Variants in ERC1 observed in about 807,000 individuals in gnomAD.
The protein encoded by ERC1 is RAB6 interacting protein 2.
ERC1 carries 56 observed loss-of-function variants against 132.0 expected under a neutral mutation model. The ratio of observed to expected loss-of-function variants is 0.42; its 90% CI spans 0.34 to 0.53. The LOEUF (loss-of-function observed/expected upper bound fraction) is 0.53. Ranked by LOEUF, ERC1 falls within the 20% of genes least tolerant of loss-of-function variation. The pLI, the probability that ERC1 is intolerant of heterozygous loss-of-function variation, is 0.03. For synonymous variants in ERC1, 478 were observed against 476.1 expected, an observed-to-expected ratio of 1.00 and a Z score of -0.05; for missense variants, 1,202 against 1,349.9, an observed-to-expected ratio of 0.89 and a Z score of 1.72.
At chr12:1,060,649 T>C (rs1163092438) in intron 2 of ERC1, among the ~76,000 whole-genome samples, 1 of 151,980 alleles carries the variant, frequency 6.6e-6, no homozygotes, top group African/African-American at 2.4e-5. Context: ...TTATTCACTA[T>C]CACAAGAATA....
chr12:999,679 T>C (rs968591148), intron 1 of ERC1, among the ~76,000 whole-genome samples: 1 of 132,388 alleles, frequency 7.6e-6, no homozygotes, highest in Non-Finnish European at 1.5e-5. Flanking sequence ...TGGTGCAACC[T>C]CCGCCTCCCG....
chr12:1,394,015 CAAAAAAAAAA>C (rs1216337061), intron 16 of ERC1, among the ~76,000 whole-genome samples: 1 of 26,932 alleles, frequency 3.7e-5, no homozygotes, highest in Non-Finnish European at 7.1e-5. Context: ...GACTCCGTCT[CAAAAAAAAAA>C]AAAAAAAACA....
intron 8 of ERC1, among the ~76,000 whole-genome samples, chr12:1,174,935 C>G (rs1275197354): frequency 2.0e-5 from 3 of 152,228 alleles, no homozygotes; most frequent in Admixed American, 6.5e-5. Flanking sequence ...ATTGCAGATT[C>G]AGTTCCAGAC....
chr12:1,008,381 T>G (rs1964094041), intron 1 of ERC1, among the ~76,000 whole-genome samples: 1 of 152,234 alleles, frequency 6.6e-6, no homozygotes, highest in African/African-American at 2.4e-5. Context: ...TTTAACACAG[T>G]ATGTCCAAAA....
rs1334833998 is a variant in ERC1, at chr12:1,014,758, T to G, written c.-156-12990T>G. Among the ~76,000 whole-genome samples the G allele has an allele frequency of 1.3e-4, 20 of 152,256 alleles. No homozygotes were observed. In the East Asian group the frequency reaches 3.9e-3, roughly 29 times the overall value. On this transcript the variant is annotated intron_variant, in intron 1 of 18. Coordinates refer to ENST00000360905, the MANE Select transcript of ERC1 (RefSeq NM_178040.4). ...TATAGATATTTACTTAATTTTTTTT[T>G]GTTTTTGTTTCTTTTTCCTTTTTTT...
At chr12:1,008,678 C>G (rs1592662007) in intron 1 of ERC1, among the ~76,000 whole-genome samples, 2 of 152,140 alleles carry the variant, frequency 1.3e-5, no homozygotes, top group East Asian at 3.9e-4. Flanking sequence ...TTTTCAAATG[C>G]TTAGTTTTAT....
At position 1,480,969 on chromosome 12, in the gene ERC1, G is replaced by A. The variant is rs1040905834; in HGVS notation, c.3214-9124G>A. On this transcript the variant is annotated intron_variant, in intron 18 of 18. Transcript: ENST00000360905. ...GTCTGTTGCAAGCTCCCCAGTGGAT[G>A]CTGAAACTGTGGATGGTACTGAAGC... The A allele has an allele frequency of 1.1e-4, 79 of 700,304 alleles. 5 individuals carry two copies. The Middle Eastern group carries it at 7.1e-3, about 63-fold the overall frequency. The allele number at this position is 700,304 out of a possible 1,614,324, so 43.4% of individuals were successfully genotyped here.
intron 12 of ERC1, among the ~76,000 whole-genome samples, chr12:1,230,968 G>A (rs1453394667): frequency 2.0e-5 from 3 of 152,074 alleles, no homozygotes; most frequent in Non-Finnish European, 4.4e-5. Context: ...GCTAAAGTGA[G>A]TCTCTTGTAG....
chr12:1,286,484 C>T (rs923843237), intron 14 of ERC1, among the ~76,000 whole-genome samples: 1 of 151,936 alleles, frequency 6.6e-6, no homozygotes, highest in Admixed American at 6.6e-5. Context: ...TTAAAAATTA[C>T]ACTACTTGTA....
chr12:1,097,682 G>C (rs1944208551), intron 3 of ERC1, among the ~76,000 whole-genome samples: 1 of 151,506 alleles, frequency 6.6e-6, no homozygotes, highest in Non-Finnish European at 1.5e-5. Context: ...TTTCTGGTAA[G>C]CTCCCTTCTC....
chr12:1,062,025 C>T (rs948474987), intron 2 of ERC1, among the ~76,000 whole-genome samples: 2 of 122,594 alleles, frequency 1.6e-5, no homozygotes, highest in East Asian at 2.4e-4. Context: ...GAGTCTTGCT[C>T]TGTCACCCAG....
intron 16 of ERC1, among the ~76,000 whole-genome samples, chr12:1,395,636 G>A (rs1434420529): frequency 6.7e-6 from 1 of 149,572 alleles, no homozygotes; most frequent in African/African-American, 2.5e-5. Flanking sequence ...AAAACTATAA[G>A]CTATGTTTGT....
intron 15 of ERC1, among the ~76,000 whole-genome samples, chr12:1,331,299 G>T (rs1336477226): frequency 6.6e-6 from 1 of 152,178 alleles, no homozygotes; most frequent in East Asian, 1.9e-4. Flanking sequence ...ACTCTGTGTT[G>T]TGAGTTTTAC....
intron 15 of ERC1, among the ~76,000 whole-genome samples, chr12:1,333,550 C>G (rs1332096635): frequency 6.6e-6 from 1 of 151,994 alleles, no homozygotes; most frequent in East Asian, 1.9e-4. Context: ...CCACGGTGGT[C>G]TCGATCTCCT....
intron 6 of ERC1, 144 bp downstream of exon 6, chr12:1,112,442 T>C (rs1274636426): frequency 1.6e-5 from 9 of 565,888 alleles, no homozygotes; most frequent in Admixed American, 6.0e-5. Context: ...CCTGCTCTGC[T>C]CTTTAACTGA....
chr12:1,372,656 G>A (rs751954749), intron 16 of ERC1, among the ~76,000 whole-genome samples: 30 of 152,204 alleles, frequency 2.0e-4, no homozygotes, highest in Middle Eastern at 3.4e-3. Context: ...TGTTTACATC[G>A]GAGCCCTGCT....
chr12:1,397,552 C>T (rs1260351420), intron 16 of ERC1, among the ~76,000 whole-genome samples: 1 of 151,896 alleles, frequency 6.6e-6, no homozygotes, highest in East Asian at 1.9e-4. Context: ...AAGCAAGATG[C>T]AGAATAATGT....
chr12:1,104,699 A>G (rs1945055339), intron 3 of ERC1, 51 bp from the exon 4 acceptor site: 1 of 1,323,272 alleles, frequency 7.6e-7, no homozygotes, highest in African/African-American at 1.4e-5. Context: ...CTTTGAAAAA[A>G]ATGAGGGTGA....
chr12:1,200,224 A>G (rs1392445996), intron 12 of ERC1, among the ~76,000 whole-genome samples: 1 of 152,130 alleles, frequency 6.6e-6, no homozygotes, highest in African/African-American at 2.4e-5. Context: ...TTATAGGATG[A>G]TATTACCAAT....
Sources: gnomAD v4.1 joint callset for allele counts (sites outside exome capture counted in the v4.1 genomes callset) on GRCh38, gnomAD v4.1.1 for gene constraint, MANE v1.5 for transcripts, NCBI Gene and HGNC (gene_info 2026-07-23, HGNC 2026-07-21) for gene names.